The following KLHL5 variants were observed in gnomAD, a reference collection of about 807,000 sequenced individuals.
KLHL5 encodes kelch-like protein 5.
A neutral mutation model predicts 77.7 loss-of-function variants in KLHL5; 48 were observed. The observed-to-expected ratio is 0.62, with a 90% CI of 0.49 to 0.79. The LOEUF (loss-of-function observed/expected upper bound fraction) is 0.79. KLHL5 is among the 30% of genes least tolerant of loss of function. The pLI, the probability that KLHL5 is intolerant of heterozygous loss-of-function variation, is 0.00. For missense variants in KLHL5, 723 were observed against 859.7 expected (o/e 0.84, Z 1.99); for synonymous variants, 260 against 297.0 (o/e 0.88, Z 1.28).
the KLHL5 span, among the ~76,000 whole-genome samples, chr4:39,139,064 C>T: frequency 6.6e-6 from 1 of 152,010 alleles, no homozygotes; most frequent in African/African-American, 2.4e-5. Context: ...GGTGGATCAC[C>T]TGAGGTCAGG....
At chr4:39,106,233 G>A (rs1053309585) in intron 7 of KLHL5, among the ~76,000 whole-genome samples, 6 of 152,054 alleles carry the variant, frequency 3.9e-5, no homozygotes, top group South Asian at 2.1e-4. Flanking sequence ...ACCTTTGCAC[G>A]TGCCGTTTCC....
Position 39,106,137 on chromosome 4 carries a change from C to T in KLHL5, c.1526-1432C>T, listed in dbSNP as rs78157339. On this transcript the variant is annotated intron_variant, in intron 7 of 10. Transcript: ENST00000504108. ...GCATGATCTGGCTCCACACTCTCCC[C>T]CATCTCTTACATTTCCCCCTCACTC... Among the ~76,000 whole-genome samples, 1,226 of 152,228 alleles carry T rather than the reference C, an allele frequency of 8.1e-3. 21 individuals carry two copies. The highest frequency in any genetic ancestry group is 0.028 in the African/African-American group (1,160 of 41,544).
At chr4:39,061,534 A>C (rs1052595497), upstream of KLHL5, among the ~76,000 whole-genome samples, 1 of 152,202 alleles carries the variant, frequency 6.6e-6, no homozygotes, top group Non-Finnish European at 1.5e-5. Context: ...TGCCTAGTAG[A>C]TTGCATTGTT....
intron 7 of KLHL5, among the ~76,000 whole-genome samples, chr4:39,107,312 C>T (rs765733556): frequency 4.9e-4 from 74 of 152,152 alleles, no homozygotes; most frequent in Non-Finnish European, 9.1e-4. Flanking sequence ...ACTCCCAAAC[C>T]GCTGAGATTA....
At chr4:39,107,878 A>G in intron 8 of KLHL5, 147 bp downstream of exon 8, 1 of 552,284 alleles carries the variant, frequency 1.8e-6, no homozygotes, top group Non-Finnish European at 3.0e-6. Flanking sequence ...AGTTGTAAAT[A>G]TATTGTTTTA....
chr4:39,091,862 T>TG, intron 5 of KLHL5, among the ~76,000 whole-genome samples: 1 of 146,516 alleles, frequency 6.8e-6, no homozygotes, highest in Non-Finnish European at 1.5e-5. Flanking sequence ...TTTTTTTTTT[T>TG]TTTTGTAGAG....
chr4:39,119,222 T>C (rs951872869), intron 10 of KLHL5, among the ~76,000 whole-genome samples: 9 of 152,204 alleles, frequency 5.9e-5, no homozygotes, highest in Non-Finnish European at 1.3e-4. Context: ...ATAGCTATTT[T>C]GCTTGCAAGC....
At chr4:39,080,726 CCA>C (rs1230836846) in intron 2 of KLHL5, among the ~76,000 whole-genome samples, 1 of 151,742 alleles carries the variant, frequency 6.6e-6, no homozygotes, top group African/African-American at 2.4e-5. Context: ...CAAATGTCTC[CCA>C]TATATTCACT....
At chr4:39,140,678 T>C in the KLHL5 span, among the ~76,000 whole-genome samples, 1 of 152,186 alleles carries the variant, frequency 6.6e-6, no homozygotes, top group African/African-American at 2.4e-5. Context: ...TAAGAAACAT[T>C]AGTAGAGTTG....
chr4:39,136,491 A>G, the KLHL5 span, among the ~76,000 whole-genome samples: 2 of 152,050 alleles, frequency 1.3e-5, no homozygotes, highest in Non-Finnish European at 2.9e-5. Flanking sequence ...TAAAGCCATT[A>G]GGTAGTGTAT....
At chr4:39,116,998 A>G (rs1193039381) in intron 10 of KLHL5, among the ~76,000 whole-genome samples, 2 of 151,876 alleles carry the variant, frequency 1.3e-5, no homozygotes, top group Non-Finnish European at 2.9e-5. Context: ...CACCACACCC[A>G]GCTAATTTTT....
chr4:39,141,315 T>G, the KLHL5 span, among the ~76,000 whole-genome samples: 4 of 142,318 alleles, frequency 2.8e-5, no homozygotes, highest in African/African-American at 1.1e-4. Flanking sequence ...TTTTTTTTTT[T>G]TTTTTTTTTT....
rs1160264332 is a variant in KLHL5, at chr4:39,125,985, T to A, written c.*4919T>A. ...CACTGTAATTTGCAAATAAATGAATTTCTAAAAATCTAACAGAAAGGCTCT... is the reference window on the plus strand; with the variant it reads ...CACTGTAATTTGCAAATAAATGAATATCTAAAAATCTAACAGAAAGGCTCT... On this transcript the variant is annotated 3_prime_UTR_variant, in exon 11 of 11. Transcript: ENST00000504108. Among the ~76,000 whole-genome samples the A allele has an allele frequency of 6.6e-6, 1 of 152,144 alleles. No homozygotes were observed. The highest frequency in any genetic ancestry group is 1.9e-4 in the East Asian group (1 of 5,196).
At chr4:39,094,659 G>A (rs1265087733) in intron 5 of KLHL5, among the ~76,000 whole-genome samples, 1 of 151,146 alleles carries the variant, frequency 6.6e-6, no homozygotes, top group East Asian at 1.9e-4. Flanking sequence ...CAAATAGATC[G>A]ATAGAACAGA....
In KLHL5 at chr4:39,122,743, G is replaced by A. The variant is rs893318642; in HGVS notation, c.*1677G>A. 9.9e-5 allele frequency among the ~76,000 whole-genome samples: 15 copies of A among 152,058 alleles called. No individual in the cohort carries two copies. Among genetic ancestry groups the A allele is most frequent in the African/African-American group, 3.1e-4 (13 of 41,396 alleles). On this transcript the variant is annotated 3_prime_UTR_variant, in exon 11 of 11. Coordinates refer to ENST00000504108, the MANE Select transcript of KLHL5 (RefSeq NM_015990.5). ...CGGGAGAATGGCGTGAACCCAGGAG[G>A]AGGAGCTTGCAGTGTGCCAAGATCG...
At chr4:39,105,655 TATAAA>T (rs1353945102) in intron 7 of KLHL5, among the ~76,000 whole-genome samples, 2 of 151,426 alleles carry the variant, frequency 1.3e-5, no homozygotes, top group Admixed American at 1.3e-4. Context: ...TATATACACA[TATAAA>T]ATGTGTATAT....
intron 6 of KLHL5, among the ~76,000 whole-genome samples, chr4:39,101,126 T>TATATACATATATATA (rs1553892884): frequency 7.4e-6 from 1 of 134,844 alleles, no homozygotes; most frequent in Non-Finnish European, 1.6e-5. Context: ...TATTTGGATT[T>TATATACATATATATA]TATATATATA....
At chr4:39,078,526 C>T (rs572631815) in intron 2 of KLHL5, among the ~76,000 whole-genome samples, 18 of 152,150 alleles carry the variant, frequency 1.2e-4, no homozygotes, top group Non-Finnish European at 2.1e-4. Context: ...AAAGCCCCAT[C>T]TCTACTAAAA....
At position 39,122,718 on chromosome 4, in the gene KLHL5, C is replaced by T. The variant is rs1316766498; in HGVS notation, c.*1652C>T. Reference sequence around the variant, plus strand: ...CGCCCAGCTACTCGGGAGGCTGAGGCGGGAGAATGGCGTGAACCCAGGAGG... The same window carrying T: ...CGCCCAGCTACTCGGGAGGCTGAGGTGGGAGAATGGCGTGAACCCAGGAGG... On this transcript the variant is annotated 3_prime_UTR_variant, in exon 11 of 11. Transcript: ENST00000504108. 6.6e-6 allele frequency among the ~76,000 whole-genome samples: 1 copy of T among 151,864 alleles called. No homozygotes were observed. The highest frequency in any genetic ancestry group is 1.5e-5 in the Non-Finnish European group (1 of 67,986).
Sources: gnomAD v4.1 joint callset for allele counts (sites outside exome capture counted in the v4.1 genomes callset) on GRCh38, gnomAD v4.1.1 for gene constraint, MANE v1.5 for transcripts, NCBI Gene and HGNC (gene_info 2026-07-23, HGNC 2026-07-21) for gene names.